The following CNTN5 variants were observed in gnomAD, a reference collection of about 807,000 sequenced individuals.
The protein encoded by CNTN5 is contactin-5.
Under a neutral mutation model 129.1 loss-of-function variants are expected in CNTN5, and 77 were observed. The ratio of observed to expected loss-of-function variants is 0.60; its 90% CI spans 0.50 to 0.72. The LOEUF is 0.72. CNTN5 is among the 30% of genes least tolerant of loss of function. The pLI is 0.00. For missense variants in CNTN5, 1,478 were observed against 1,328.8 expected (o/e 1.11, Z -1.75); for synonymous variants, 509 against 465.6 (o/e 1.09, Z -1.20).
chr11:99,038,692 CA>C (rs1431747643), intron 1 of CNTN5, among the ~76,000 whole-genome samples: 2 of 151,608 alleles, frequency 1.3e-5, no homozygotes, highest in African/African-American at 4.9e-5. Context: ...TTTTTTACAT[CA>C]TTTATAATTG....
chr11:99,362,924 T>G (rs776722480), intron 2 of CNTN5, among the ~76,000 whole-genome samples: 14 of 152,136 alleles, frequency 9.2e-5, no homozygotes, highest in Non-Finnish European at 1.9e-4. Context: ...ACTGTAGCCG[T>G]GCACTGTTTT....
intron 3 of CNTN5, among the ~76,000 whole-genome samples, chr11:99,783,819 G>A (rs1437298018): frequency 1.3e-5 from 2 of 151,498 alleles, no homozygotes; most frequent in Non-Finnish European, 2.9e-5. Context: ...GGGGACTGTT[G>A]TGGGGTGGGT....
chr11:99,176,383 C>A (rs1036097531), intron 1 of CNTN5, among the ~76,000 whole-genome samples: 3 of 152,146 alleles, frequency 2.0e-5, no homozygotes, highest in African/African-American at 7.2e-5. Context: ...CCAGACCTTT[C>A]CTTAAACTCC....
At chr11:99,543,904 G>A (rs1248036454) in intron 2 of CNTN5, among the ~76,000 whole-genome samples, 1 of 112,756 alleles carries the variant, frequency 8.9e-6, no homozygotes, top group Non-Finnish European at 1.7e-5. Flanking sequence ...TTGGGTAACA[G>A]AGAGAGTCTG....
rs984219884 is a variant in CNTN5, at chr11:99,468,197, C to T, written c.-70-87948C>T. Among the ~76,000 whole-genome samples, 5 of 152,092 alleles carry T rather than the reference C, an allele frequency of 3.3e-5. No individual in the cohort carries two copies. The South Asian group carries it at 6.2e-4, about 19-fold the overall frequency. On this transcript the variant is annotated intron_variant, in intron 2 of 24. Transcript: ENST00000524871. Reference sequence around the variant, plus strand: ...CCCTCAGATATACTGCTGACAAAAACGAATATGCACAGCTATTAATTCCCT... The same window carrying T: ...CCCTCAGATATACTGCTGACAAAAATGAATATGCACAGCTATTAATTCCCT...
rs115469953 is a variant in CNTN5 at position 99,138,309 on chromosome 11, C to T, written c.-210+117039C>T. Among the ~76,000 whole-genome samples the T allele has an allele frequency of 8.6e-3, 1,301 of 151,958 alleles. 21 individuals carry two copies. The highest frequency in any genetic ancestry group is 0.029 in the African/African-American group (1,199 of 41,462). The stretch of plus-strand genomic sequence containing the variant: ...TGTACATTCTATTGCAGGTATAAAT[C>T]GTCCTATATGGATGAAATGTTAAGC... On this transcript the variant is annotated intron_variant, in intron 1 of 24. Transcript: ENST00000524871.
chr11:100,078,823 A>G (rs1228607311), intron 13 of CNTN5, among the ~76,000 whole-genome samples: 1 of 152,062 alleles, frequency 6.6e-6, no homozygotes, highest in Non-Finnish European at 1.5e-5. Context: ...GGTGGTGGTA[A>G]TGGTGATAGT....
chr11:99,233,302 G>A, intron 1 of CNTN5, among the ~76,000 whole-genome samples: 1 of 152,106 alleles, frequency 6.6e-6, no homozygotes, highest in Non-Finnish European at 1.5e-5. Flanking sequence ...TAACTTTCTT[G>A]TAGCCAGTGA....
intron 4 of CNTN5, 133 bp downstream of exon 4, chr11:99,819,898 G>A (rs577556845): frequency 8.9e-6 from 6 of 670,864 alleles, no homozygotes; most frequent in South Asian, 1.9e-5. Flanking sequence ...AAAAATGAAA[G>A]CAGGAGAGTT....
intron 13 of CNTN5, among the ~76,000 whole-genome samples, chr11:100,147,640 G>T (rs937597403): frequency 3.3e-5 from 5 of 151,246 alleles, no homozygotes; most frequent in Non-Finnish European, 7.4e-5. Flanking sequence ...GCGTGTATTT[G>T]TGTGTGTGTG....
At chr11:100,355,528 T>A (rs1257314036) in intron 24 of CNTN5, among the ~76,000 whole-genome samples, 1 of 151,780 alleles carries the variant, frequency 6.6e-6, no homozygotes, top group East Asian at 1.9e-4. Context: ...CATTATCAAT[T>A]AAGTACTGTA....
rs141044666 is a variant in CNTN5, at chr11:100,231,576, T to C, written c.2005+6764T>C. Among the ~76,000 whole-genome samples, 217 of 152,320 alleles carry C rather than the reference T, an allele frequency of 1.4e-3. 1 individual carries two copies. Among genetic ancestry groups the C allele is most frequent in the African/African-American group, 5.0e-3 (208 of 41,560 alleles). ...CTTAGAGTGTCAAAGTAGTTATTAA[T>C]GAGGCCCCTTTATCCTCAAAATTGT... On this transcript the variant is annotated intron_variant, in intron 16 of 24. Transcript: ENST00000524871.
At chr11:100,056,418 GA>G (rs1352145044) in intron 9 of CNTN5, among the ~76,000 whole-genome samples, 1 of 150,572 alleles carries the variant, frequency 6.6e-6, no homozygotes, top group Non-Finnish European at 1.5e-5. Context: ...AAAACAAAGT[GA>G]CATACCATGA....
At chr11:99,808,806 A>T (rs895814624) in intron 3 of CNTN5, among the ~76,000 whole-genome samples, 4 of 152,168 alleles carry the variant, frequency 2.6e-5, no homozygotes, top group African/African-American at 9.7e-5. Context: ...AGATGCTCCA[A>T]CATGAGTTAG....
chr11:99,439,707 C>CAAAAAAAAAAAAAA (rs376871051), intron 2 of CNTN5, among the ~76,000 whole-genome samples: 4 of 95,438 alleles, frequency 4.2e-5, no homozygotes, highest in Non-Finnish European at 7.8e-5. Context: ...GACTCTGTCT[C>CAAAAAAAAAAAAAA]AAAAAAAAAA....
rs1591276648 is a variant in CNTN5 at position 99,557,882 on chromosome 11, C to A, written c.55+1613C>A. On this transcript the variant is annotated intron_variant, in intron 3 of 24. Coordinates refer to ENST00000524871, the MANE Select transcript of CNTN5 (RefSeq NM_014361.4). ...CAGCATACCTGCACTCATCTAAATG[C>A]TTTTACAAGATATATAAAAGCCTTT... is the stretch of plus-strand genomic sequence containing the variant. Among the ~76,000 whole-genome samples, 3 of 151,680 alleles carry A rather than the reference C, an allele frequency of 2.0e-5. No homozygotes were observed. In the South Asian group the frequency reaches 6.2e-4, roughly 31 times the overall value.
intron 13 of CNTN5, among the ~76,000 whole-genome samples, chr11:100,075,689 A>C (rs1337440344): frequency 6.6e-6 from 1 of 152,116 alleles, no homozygotes; most frequent in African/African-American, 2.4e-5. Flanking sequence ...AGGACAAATC[A>C]CCTGTCACAT....
intron 2 of CNTN5, among the ~76,000 whole-genome samples, chr11:99,492,143 T>TA (rs1358200695): frequency 6.6e-6 from 1 of 152,184 alleles, no homozygotes; most frequent in Non-Finnish European, 1.5e-5. Flanking sequence ...GATACTTTGT[T>TA]CATGGCCCAT....
At chr11:99,638,838 G>A (rs1035756204) in intron 3 of CNTN5, among the ~76,000 whole-genome samples, 18 of 152,272 alleles carry the variant, frequency 1.2e-4, no homozygotes, top group African/African-American at 4.3e-4. Context: ...GCGTTTGAGT[G>A]TCTGTGGCTT....
Sources: allele counts gnomAD v4.1 joint callset (sites outside exome capture counted in the v4.1 genomes callset), GRCh38; gene constraint gnomAD v4.1.1; transcripts MANE v1.5; gene names NCBI Gene and HGNC (gene_info 2026-07-23, HGNC 2026-07-21).